Variants in DUSP22 observed in about 807,000 individuals in gnomAD.
DUSP22 encodes the protein dual specificity phosphatase 22.
In DUSP22, 24 loss-of-function variants were observed where a neutral mutation model predicts 24.5. The ratio of observed to expected loss-of-function variants is 0.98; its 90% CI spans 0.71 to 1.38. DUSP22 has a LOEUF of 1.38. Ranked by LOEUF, DUSP22 falls within the 40% of genes most tolerant of loss-of-function variation. The pLI is 0.00. For missense variants in DUSP22, 330 were observed against 269.2 expected, an observed-to-expected ratio of 1.23 and a Z score of -1.58; for synonymous variants, 160 against 106.4, an observed-to-expected ratio of 1.50 and a Z score of -3.10.
chr6:324,177 C>G (rs1318303648), intron 3 of DUSP22, among the ~76,000 whole-genome samples: 1 of 152,306 alleles, frequency 6.6e-6, no homozygotes, highest in African/African-American at 2.4e-5. Flanking sequence ...TGAGTGTCCT[C>G]TAGCCTCCTT....
At chr6:317,308 C>G (rs1758378329) in intron 3 of DUSP22, among the ~76,000 whole-genome samples, 1 of 152,304 alleles carries the variant, frequency 6.6e-6, no homozygotes, top group Admixed American at 6.5e-5. Context: ...GGTTTCCTGC[C>G]ACGTGTTCCT....
intron 3 of DUSP22, among the ~76,000 whole-genome samples, chr6:317,627 C>T (rs1758392879): frequency 6.6e-6 from 1 of 152,306 alleles, no homozygotes; most frequent in Admixed American, 6.5e-5. Flanking sequence ...GTCCCTGCTT[C>T]TGTAGGATAT....
At position 351,224 on chromosome 6, in the gene DUSP22, G is replaced by A. The variant is rs569830045; in HGVS notation, c.*2273G>A. 4.7e-4 allele frequency: 128 copies of A among 270,542 alleles called. No homozygotes were observed. The highest frequency in any genetic ancestry group is 2.5e-3 in the African/African-American group (115 of 45,790). The allele number at this position is 270,542 out of a possible 1,614,324, so 16.8% of individuals were successfully genotyped here. A position where few individuals can be genotyped will look rare whatever the true frequency, so the allele number is the denominator to read the frequency against. On this transcript the variant is annotated 3_prime_UTR_variant, in exon 7 of 7. Transcript: ENST00000419235. ...TAGTTGTGTGGCGTGAACTCTGCCC[G>A]TGTGTTCTCAAATTCCCCAGCTTGG... is the stretch of plus-strand genomic sequence containing the variant.
At chr6:304,453 A>C (rs879926049) in intron 1 of DUSP22, among the ~76,000 whole-genome samples, 175 bp from the exon 2 acceptor site, 36 of 152,404 alleles carry the variant, frequency 2.4e-4, no homozygotes, top group Non-Finnish European at 3.5e-4. Context: ...GCACCAACCC[A>C]CGGCCTTCCA....
At chr6:293,666 A>G (rs942793192) in intron 1 of DUSP22, among the ~76,000 whole-genome samples, 6 of 152,270 alleles carry the variant, frequency 3.9e-5, no homozygotes, top group African/African-American at 1.4e-4. Flanking sequence ...GGGCAGGGAA[A>G]ACCTAGCTAA....
intron 3 of DUSP22, among the ~76,000 whole-genome samples, chr6:333,081 C>T (rs562170526): frequency 2.6e-5 from 4 of 152,430 alleles, no homozygotes; most frequent in East Asian, 1.9e-4. Context: ...CTTCCTTTTC[C>T]GTTTGTTTTC....
intron 4 of DUSP22, among the ~76,000 whole-genome samples, chr6:336,210 A>G (rs891438062): frequency 1.3e-5 from 2 of 152,302 alleles, no homozygotes; most frequent in Non-Finnish European, 2.9e-5. Context: ...CTGGCCTCTG[A>G]TTCTCAGGTT....
In DUSP22 at chr6:349,116, C is replaced by A; in HGVS notation, c.*165C>A. On this transcript the variant is annotated 3_prime_UTR_variant, in exon 7 of 7. Coordinates refer to ENST00000419235, the MANE Select transcript of DUSP22 (RefSeq NM_001286555.3). ...AACACCGCCCAGCCCTGCTCCAGGC[C>A]CCTGCACTCCGCCCACCCCTACCCT... 1 of 1,444,056 alleles carries A rather than the reference C, an allele frequency of 6.9e-7. No individual in the cohort carries two copies. Among genetic ancestry groups the A allele is most frequent in the Non-Finnish European group, 9.0e-7 (1 of 1,105,700 alleles). The allele number at this position is 1,444,056 out of a possible 1,614,324, so 89.5% of individuals were successfully genotyped here. A position where few individuals can be genotyped will look rare whatever the true frequency, so the allele number is the denominator to read the frequency against.
chr6:344,006 T>C, intron 4 of DUSP22, among the ~76,000 whole-genome samples: 1 of 152,308 alleles, frequency 6.6e-6, no homozygotes, highest in East Asian at 1.9e-4. Flanking sequence ...GAGAGGTACA[T>C]GTGCTATCCA....
intron 3 of DUSP22, among the ~76,000 whole-genome samples, chr6:323,477 GAGTT>G (rs538423282): frequency 6.6e-6 from 1 of 152,310 alleles, no homozygotes; most frequent in Non-Finnish European, 1.5e-5. Flanking sequence ...TCTGAAATCT[GAGTT>G]AGAGCTTCTT....
chr6:324,194 C>T (rs1197258342), intron 3 of DUSP22, among the ~76,000 whole-genome samples: 23 of 152,416 alleles, frequency 1.5e-4, no homozygotes, highest in African/African-American at 3.4e-4. Context: ...CCTTGGTGGC[C>T]GGAGCACTCT....
At position 351,175 on chromosome 6, in the gene DUSP22, C is replaced by A; in HGVS notation, c.*2224C>A. 2 of 448,974 alleles carry A rather than the reference C, an allele frequency of 4.5e-6. No individual in the cohort carries two copies. Among genetic ancestry groups the A allele is most frequent in the Non-Finnish European group, 8.0e-6 (2 of 249,204 alleles). The allele number at this position is 448,974 out of a possible 1,614,324, so 27.8% of individuals were successfully genotyped here. A position where few individuals can be genotyped will look rare whatever the true frequency, so the allele number is the denominator to read the frequency against. Reference sequence around the variant, plus strand: ...GGCGCTCGTGATTGCTTCCTGTGAACGCCTCCCAAGGACGAGCCCAGTGTA... The same window carrying A: ...GGCGCTCGTGATTGCTTCCTGTGAAAGCCTCCCAAGGACGAGCCCAGTGTA... On this transcript the variant is annotated 3_prime_UTR_variant, in exon 7 of 7. Transcript: ENST00000419235.
At chr6:314,753 C>CTGAG (rs1217923216) in intron 3 of DUSP22, among the ~76,000 whole-genome samples, 3 of 152,308 alleles carry the variant, frequency 2.0e-5, no homozygotes, top group Admixed American at 6.5e-5. Context: ...GTGCCTCCTA[C>CTGAG]TGAGACCCCC....
Position 344,707 on chromosome 6 carries a change from C to T in DUSP22, c.189-1147C>T, listed in dbSNP as rs1240849614. ...AATGGCTTGTCCTGGGCCACACGGT[C>T]CAGTAAATGGCAAAGAGGGATTGGA... On this transcript the variant is annotated intron_variant, in intron 4 of 6. Coordinates refer to ENST00000419235, the MANE Select transcript of DUSP22 (RefSeq NM_001286555.3). 2.0e-5 allele frequency among the ~76,000 whole-genome samples: 3 copies of T among 152,304 alleles called. No individual in the cohort carries two copies. The South Asian group carries it at 6.2e-4, about 32-fold the overall frequency.
chr6:331,373 C>G (rs879644636), intron 3 of DUSP22, among the ~76,000 whole-genome samples: 2 of 152,302 alleles, frequency 1.3e-5, no homozygotes, highest in Admixed American at 1.3e-4. Context: ...CTAATGGAAA[C>G]ATTGCTGTTA....
chr6:304,861 C>T (rs565244120), intron 2 of DUSP22, among the ~76,000 whole-genome samples, 200 bp downstream of exon 2: 37 of 152,210 alleles, frequency 2.4e-4, no homozygotes, highest in South Asian at 4.2e-4. Flanking sequence ...CATTCCTCTC[C>T]TCCCAGCCCC....
At chr6:301,351 G>C (rs933738334) in intron 1 of DUSP22, among the ~76,000 whole-genome samples, 1 of 152,312 alleles carries the variant, frequency 6.6e-6, no homozygotes, top group Admixed American at 6.5e-5. Flanking sequence ...CCAGTAAGGG[G>C]TATTGGGAGA....
intron 6 of DUSP22, 57 bp from the exon 7 acceptor site, chr6:348,712 G>C (rs573714319): frequency 1.9e-6 from 3 of 1,607,178 alleles, no homozygotes; most frequent in South Asian, 2.2e-5. Context: ...GCAAGCCCAC[G>C]TGGATGCAGA....
intron 3 of DUSP22, among the ~76,000 whole-genome samples, chr6:323,750 C>G (rs1349723812): frequency 1.3e-5 from 2 of 152,304 alleles, no homozygotes; most frequent in Non-Finnish European, 1.5e-5. Flanking sequence ...GAAATTATTC[C>G]TAAGCAGAGG....
Sources: gnomAD v4.1 joint callset for allele counts (sites outside exome capture counted in the v4.1 genomes callset) on GRCh38, gnomAD v4.1.1 for gene constraint, MANE v1.5 for transcripts, NCBI Gene and HGNC (gene_info 2026-07-23, HGNC 2026-07-21) for gene names.